Variants in TTF1 observed in about 807,000 individuals in gnomAD.
The protein encoded by TTF1 is transcription termination factor 1.
A neutral mutation model predicts 80.2 loss-of-function variants in TTF1; 64 were observed. That is an observed-to-expected ratio of 0.80 (90% CI 0.65 to 0.98). TTF1 has a LOEUF of 0.98. Ranked by LOEUF, TTF1 falls within the 50% of genes least tolerant of loss-of-function variation. The probability of loss-of-function intolerance (pLI) is 0.00; values close to 1 mark genes in which losing one functional copy is unlikely to be tolerated. For missense variants in TTF1, 1,023 were observed against 1,086.2 expected (o/e 0.94, Z 0.82); for synonymous variants, 372 against 382.7 (o/e 0.97, Z 0.33).
chr9:132,404,876 G>A (rs1455729246), intron 1 of TTF1, among the ~76,000 whole-genome samples: 1 of 151,986 alleles, frequency 6.6e-6, no homozygotes, highest in East Asian at 1.9e-4. Context: ...GAGCAAAGCC[G>A]ATTATTTCTT....
chr9:132,378,068 A>G (rs1589814227), intron 10 of TTF1, among the ~76,000 whole-genome samples: 1 of 94,420 alleles, frequency 1.1e-5, no homozygotes, highest in Non-Finnish European at 2.0e-5. Context: ...GTGTGAGTGC[A>G]TGTGGTGTGT....
In TTF1 at chr9:132,396,562, A is replaced by G. The variant is rs761988584; in HGVS notation, c.1778-51T>C. 14 of 1,544,816 alleles carry G rather than the reference A, an allele frequency of 9.1e-6. No individual in the cohort carries two copies. The Admixed American group carries it at 2.3e-4, about 26-fold the overall frequency. On this transcript the variant is annotated intron_variant, in intron 4 of 10. Coordinates refer to ENST00000334270, the MANE Select transcript of TTF1 (RefSeq NM_007344.4). ...AGGGACTCACATGAAATGAAGTCGC[A>G]ATTGTAAAAGGAACCCAGAACAGCC... is the stretch of plus-strand genomic sequence containing the variant.
rs780084259 is a variant in TTF1, at chr9:132,390,607, T to G, written c.2212A>C (p.Lys738Gln). 2 of 1,614,186 alleles carry G rather than the reference T, an allele frequency of 1.2e-6. No homozygotes were observed. Among genetic ancestry groups the G allele is most frequent in the East Asian group, 4.5e-5 (2 of 44,882 alleles). The change falls in exon 7 of 11, where the codon AAA becomes CAA. Residue 738 changes from lysine (K) to glutamine (Q), a missense_variant. Coordinates refer to ENST00000334270, the MANE Select transcript of TTF1 (RefSeq NM_007344.4). The part of the protein sequence containing the change: ...KVQTRNWMQC[K>Q]SKWTEILTKR... ...GAGGGAAGAACTTACCACTTACTTT[T>G]ACACTGCATCCAATTTCTGGTTTGC...
In TTF1 at chr9:132,400,239, C is replaced by G. The variant is rs750976909; in HGVS notation, c.1387G>C (p.Glu463Gln). Residue 463 changes from glutamate (E) to glutamine (Q), a missense_variant, in exon 3 of 11, where the codon GAA (glutamate) becomes CAA (glutamine). Coordinates refer to ENST00000334270, the MANE Select transcript of TTF1 (RefSeq NM_007344.4). ...TCTTCAGCTGTTTCCACATTGTGTTCTTCATTTGCAGGTTCTAACCTAAGG... is the reference window on the plus strand; with the variant it reads ...TCTTCAGCTGTTTCCACATTGTGTTGTTCATTTGCAGGTTCTAACCTAAGG... ...EAPRLEPANE[E>Q]HNVETAEDSE... 1 of 1,614,148 alleles carries G rather than the reference C, an allele frequency of 6.2e-7. No homozygotes were observed. The highest frequency in any genetic ancestry group is 1.1e-5 in the South Asian group (1 of 91,062).
chr9:132,377,940 T>C (rs1465511593), intron 10 of TTF1, among the ~76,000 whole-genome samples: 2 of 126,760 alleles, frequency 1.6e-5, no homozygotes, highest in Admixed American at 1.7e-4. Flanking sequence ...TGCGTGTGAA[T>C]GCATGTGGTG....
intron 9 of TTF1, among the ~76,000 whole-genome samples, chr9:132,386,018 T>C (rs1470847731): frequency 6.6e-6 from 1 of 152,154 alleles, no homozygotes; most frequent in Non-Finnish European, 1.5e-5. Flanking sequence ...GAGCCTTTGA[T>C]TTTTCAATAA....
intron 10 of TTF1, among the ~76,000 whole-genome samples, chr9:132,378,395 A>G: frequency 1.1e-5 from 1 of 90,884 alleles, no homozygotes; most frequent in Non-Finnish European, 2.1e-5. Flanking sequence ...GAGTGCATGC[A>G]TGTGGTGTGA....
intron 1 of TTF1, among the ~76,000 whole-genome samples, chr9:132,406,179 A>G (rs1849862632): frequency 1.3e-5 from 2 of 151,890 alleles, no homozygotes; most frequent in Admixed American, 1.3e-4. Context: ...ACGTGCCCAA[A>G]CCTGGTCCCG....
intron 7 of TTF1, among the ~76,000 whole-genome samples, chr9:132,389,758 A>T (rs1466877199): frequency 6.6e-6 from 1 of 151,738 alleles, no homozygotes; most frequent in African/African-American, 2.4e-5. Context: ...CAGCTCCGCG[A>T]CTCTCCAGGT....
At chr9:132,385,197 G>A (rs567978388) in intron 9 of TTF1, among the ~76,000 whole-genome samples, 1 of 152,210 alleles carries the variant, frequency 6.6e-6, no homozygotes, top group South Asian at 2.1e-4. Context: ...GAACAATCCT[G>A]ACAGCCAGAC....
chr9:132,400,390 C>G, intron 2 of TTF1, 132 bp from the exon 3 acceptor site: 1 of 693,120 alleles, frequency 1.4e-6, no homozygotes, highest in Non-Finnish European at 2.4e-6. Context: ...ATGGTGCGAT[C>G]TCAGCTCACT....
intron 10 of TTF1, among the ~76,000 whole-genome samples, chr9:132,378,414 GGTGTGAGTGCATGTGGT>G (rs1849289808): frequency 1.4e-5 from 1 of 72,068 alleles, no homozygotes; most frequent in African/African-American, 6.5e-5. Context: ...GAGTGCATGT[GGTGTGAGTGCATGTGGT>G]GTGTGAATGC....
intron 5 of TTF1, 39 bp downstream of exon 5, chr9:132,396,394 G>A: frequency 6.3e-7 from 1 of 1,579,624 alleles, no homozygotes; most frequent in Non-Finnish European, 8.7e-7. Context: ...GCAAAGACTA[G>A]AGAAATGTTG....
chr9:132,400,922 C>CTT (rs1367408058), intron 2 of TTF1, among the ~76,000 whole-genome samples: 3 of 152,212 alleles, frequency 2.0e-5, no homozygotes, highest in African/African-American at 7.2e-5. Flanking sequence ...AAAATCGAAT[C>CTT]TGTCTTATTT....
intron 5 of TTF1, among the ~76,000 whole-genome samples, chr9:132,393,285 G>A (rs1242986533): frequency 1.4e-5 from 2 of 144,852 alleles, no homozygotes; most frequent in African/African-American, 5.0e-5. Flanking sequence ...CCCGCAAACT[G>A]GCCATAAACA....
intron 6 of TTF1, among the ~76,000 whole-genome samples, chr9:132,391,328 C>T (rs78296164): frequency 4.6e-3 from 698 of 152,274 alleles, no homozygotes; most frequent in Non-Finnish European, 7.7e-3. Flanking sequence ...AACGGTTCAC[C>T]CTTCTTCACT....
At chr9:132,400,361 G>A in intron 2 of TTF1, 103 bp from the exon 3 acceptor site, 1 of 942,586 alleles carries the variant, frequency 1.1e-6, no homozygotes, top group Non-Finnish European at 1.6e-6. Context: ...GGCTTGCTCT[G>A]TCGCCAGGCT....
At chr9:132,395,570 G>A (rs1849632827) in intron 5 of TTF1, among the ~76,000 whole-genome samples, 1 of 152,170 alleles carries the variant, frequency 6.6e-6, no homozygotes, top group African/African-American at 2.4e-5. Context: ...AAAACAGGCA[G>A]GGCAGGTCTC....
rs565276348 is a variant in TTF1, at chr9:132,398,914, T to C, written c.1592-588A>G. 3.3e-5 allele frequency among the ~76,000 whole-genome samples: 5 copies of C among 152,106 alleles called. No individual in the cohort carries two copies. In the East Asian group the frequency reaches 9.7e-4, roughly 29 times the overall value. ...CTAGGTTTACTTTAAAAATATCTTA[T>C]GGGCAAGGCACAGTGGCTTATGCAT... On this transcript the variant is annotated intron_variant, in intron 3 of 10. Coordinates refer to ENST00000334270, the MANE Select transcript of TTF1 (RefSeq NM_007344.4).
Sources: allele counts gnomAD v4.1 joint callset (sites outside exome capture counted in the v4.1 genomes callset), GRCh38; gene constraint gnomAD v4.1.1; transcripts MANE v1.5; gene names NCBI Gene and HGNC (gene_info 2026-07-23, HGNC 2026-07-21).